Variants in KLHL13 observed in about 807,000 individuals in gnomAD.
The protein encoded by KLHL13 is kelch-like protein 13.
KLHL13 carries 10 observed loss-of-function variants against 37.1 expected under a neutral mutation model. The observed-to-expected ratio is 0.27, with a 90% confidence interval of 0.17 to 0.46. KLHL13 has a LOEUF of 0.46. Among genes scored for constraint, KLHL13 ranks in the 20% least tolerant of loss-of-function variants. The probability of loss-of-function intolerance (pLI) is 1.00; values close to 1 mark genes in which losing one functional copy is unlikely to be tolerated. For missense variants in KLHL13, 360 were observed against 509.3 expected (o/e 0.71, Z 2.82); for synonymous variants, 163 against 181.2 (o/e 0.90, Z 0.81).
At chrX:118,055,906 C>A (rs184079731) in intron 1 of KLHL13, among the ~76,000 whole-genome samples, 41 of 112,109 alleles carry the variant, frequency 3.7e-4, no homozygotes, top group African/African-American at 1.3e-3. Context: ...GTGCTAGAAG[C>A]TCTATCCAGG....
intron 1 of KLHL13, among the ~76,000 whole-genome samples, chrX:118,035,871 AG>A (rs2054432338): frequency 9.8e-6 from 1 of 101,665 alleles, no homozygotes; most frequent in East Asian, 2.9e-4. Flanking sequence ...AATCTCCTTA[AG>A]CTGATAAGCA....
At chrX:117,959,946 A>G (rs1250994832) in intron 1 of KLHL13, among the ~76,000 whole-genome samples, 3 of 111,874 alleles carry the variant, frequency 2.7e-5, no homozygotes, top group Non-Finnish European at 5.6e-5. Context: ...GGGATCGCAT[A>G]AGCACAAATT....
intron 1 of KLHL13, among the ~76,000 whole-genome samples, chrX:118,049,944 T>G (rs149023083): frequency 8.9e-6 from 1 of 112,802 alleles, no homozygotes. Flanking sequence ...AATCTGCCCA[T>G]GTCACCACCA....
intron 1 of KLHL13, among the ~76,000 whole-genome samples, chrX:117,998,705 G>T (rs1362239140): frequency 1.8e-5 from 2 of 109,930 alleles, no homozygotes; most frequent in Non-Finnish European, 3.8e-5. Context: ...ACACCTTCTG[G>T]AAAGTGTCCT....
intron 1 of KLHL13, among the ~76,000 whole-genome samples, chrX:117,990,102 A>G (rs919964773): frequency 3.8e-4 from 43 of 111,824 alleles, no homozygotes; most frequent in African/African-American, 1.3e-3. Flanking sequence ...AGAAATCATT[A>G]AAGGGCCTTT....
intron 1 of KLHL13, among the ~76,000 whole-genome samples, chrX:117,965,824 T>C (rs765670453): frequency 8.9e-6 from 1 of 111,868 alleles, no homozygotes; most frequent in African/African-American, 3.3e-5. Context: ...TCTCAATAGA[T>C]GCAGAAAAGG....
At chrX:117,943,877 G>A (rs1443312802) in intron 2 of KLHL13, among the ~76,000 whole-genome samples, 1 of 110,334 alleles carries the variant, frequency 9.1e-6, no homozygotes, top group Non-Finnish European at 1.9e-5. Flanking sequence ...TTGCTGGCGA[G>A]GAGTTGTGAT....
chrX:117,991,031 T>G (rs1345263163), intron 1 of KLHL13, among the ~76,000 whole-genome samples: 1 of 108,960 alleles, frequency 9.2e-6, no homozygotes, highest in African/African-American at 3.5e-5. Flanking sequence ...GGAGTGGGTG[T>G]GGAGGTTCCT....
At chrX:117,913,446 G>A (rs1253479921) in intron 4 of KLHL13, among the ~76,000 whole-genome samples, 1 of 112,359 alleles carries the variant, frequency 8.9e-6, no homozygotes, top group African/African-American at 3.2e-5. Flanking sequence ...TTTCATCTGA[G>A]TTCATCTTTT....
intron 5 of KLHL13, among the ~76,000 whole-genome samples, chrX:117,907,856 G>A (rs1930655445): frequency 9.0e-6 from 1 of 110,595 alleles, no homozygotes; most frequent in South Asian, 3.7e-4. Context: ...AACAAGAAAG[G>A]GTTTTATAAA....
At chrX:117,948,453 T>C (rs1236022112) in intron 1 of KLHL13, among the ~76,000 whole-genome samples, 4 of 112,112 alleles carry the variant, frequency 3.6e-5, no homozygotes, top group African/African-American at 1.3e-4. Context: ...AAGAAAATTA[T>C]GCAGCAAAGC....
chrX:117,916,178 CA>C (rs201725752), intron 4 of KLHL13, among the ~76,000 whole-genome samples: 10,969 of 100,223 alleles, frequency 0.11, 576 homozygotes, highest in African/African-American at 0.21. Context: ...AACAAACAAA[CA>C]AAAAAAAAAA....
chrX:118,028,443 C>T, intron 1 of KLHL13: 2 of 1,133,026 alleles, frequency 1.8e-6, no homozygotes, highest in Non-Finnish European at 2.3e-6. Context: ...AGTATTGCAG[C>T]AACCAATTCC....
intron 1 of KLHL13, among the ~76,000 whole-genome samples, chrX:117,961,707 T>C (rs1045590948): frequency 2.7e-5 from 3 of 110,955 alleles, no homozygotes; most frequent in Admixed American, 9.7e-5. Flanking sequence ...GGGGCTGGAA[T>C]GCAAGCAATC....
Position 117,929,555 on chromosome X carries a change from C to A in KLHL13, c.241-9185G>T, listed in dbSNP as rs138028411. ...TAATCAATATAAATCACCATACTAA[C>A]AGACTGAAAAAGAAAAATGCTAAGA... On this transcript the variant is annotated intron_variant, in intron 2 of 6. Transcript: ENST00000262820. Among the ~76,000 whole-genome samples the A allele has an allele frequency of 9.3e-3, 1,027 of 110,593 alleles. 17 individuals carry two copies. The highest frequency in any genetic ancestry group is 0.031 in the African/African-American group (955 of 30,431).
intron 1 of KLHL13, among the ~76,000 whole-genome samples, chrX:117,999,328 T>C (rs1222271826): frequency 6.3e-5 from 7 of 110,880 alleles, no homozygotes; most frequent in Non-Finnish European, 9.4e-5. Context: ...ATTAAGAAAA[T>C]GTGGTACATA....
intron 1 of KLHL13, among the ~76,000 whole-genome samples, chrX:118,082,032 A>G (rs947046232): frequency 9.3e-5 from 10 of 107,721 alleles, no homozygotes; most frequent in Non-Finnish European, 1.9e-4. Context: ...AGTTAGGTTG[A>G]TTTCATATCC....
intron 1 of KLHL13, among the ~76,000 whole-genome samples, chrX:118,032,163 G>C (rs1449008912): frequency 9.0e-6 from 1 of 111,337 alleles, no homozygotes; most frequent in East Asian, 2.9e-4. Context: ...GAGGCTGGGG[G>C]AGGGGCGCCC....
intron 1 of KLHL13, among the ~76,000 whole-genome samples, chrX:118,030,786 C>A (rs1210742200): frequency 9.4e-6 from 1 of 106,224 alleles, no homozygotes; most frequent in Non-Finnish European, 1.9e-5. Flanking sequence ...AGCAAGAAGG[C>A]CCTTGTCAGA....
Sources: allele counts gnomAD v4.1 joint callset (sites outside exome capture counted in the v4.1 genomes callset), GRCh38; gene constraint gnomAD v4.1.1; transcripts MANE v1.5; gene names NCBI Gene and HGNC (gene_info 2026-07-23, HGNC 2026-07-21).